The following AOAH variants were observed in gnomAD, a reference collection of about 807,000 sequenced individuals.
The protein encoded by AOAH is acyloxyacyl hydrolase.
AOAH carries 64 observed loss-of-function variants against 92.2 expected under a neutral mutation model. The ratio of observed to expected loss-of-function variants is 0.69; its 90% CI spans 0.57 to 0.86. The LOEUF (loss-of-function observed/expected upper bound fraction) is 0.86, where lower values mean the gene tolerates loss of function less well. AOAH is among the 40% of genes least tolerant of loss of function. The pLI is 0.00. For synonymous variants in AOAH, 263 were observed against 254.5 expected (o/e 1.03, Z -0.32); for missense variants, 656 against 694.6 (o/e 0.94, Z 0.62).
chr7:36,535,406 T>C (rs1784993056), intron 16 of AOAH, among the ~76,000 whole-genome samples: 1 of 152,170 alleles, frequency 6.6e-6, no homozygotes, highest in Non-Finnish European at 1.5e-5. Context: ...ATCAGGCACA[T>C]CTCCATGAAA....
intron 1 of AOAH, among the ~76,000 whole-genome samples, chr7:36,703,905 T>C (rs1024801785): frequency 6.6e-6 from 1 of 152,156 alleles, no homozygotes; most frequent in African/African-American, 2.4e-5. Context: ...ACAATGGTTG[T>C]ACTAATTTAC....
intron 1 of AOAH, among the ~76,000 whole-genome samples, chr7:36,713,361 TC>T (rs920140044): frequency 2.6e-5 from 4 of 151,940 alleles, no homozygotes; most frequent in Non-Finnish European, 5.9e-5. Context: ...AGACTTAGAC[TC>T]CCACACAATA....
At chr7:36,715,600 C>T (rs1466848678) in intron 1 of AOAH, among the ~76,000 whole-genome samples, 2 of 150,048 alleles carry the variant, frequency 1.3e-5, no homozygotes, top group African/African-American at 2.5e-5. Flanking sequence ...GTAACCAAAA[C>T]AGCATGGTAC....
intron 13 of AOAH, among the ~76,000 whole-genome samples, chr7:36,554,700 G>A (rs377697775): frequency 0.038 from 5,767 of 150,470 alleles, 227 homozygotes; most frequent in African/African-American, 0.084. Context: ...GGTCCTTCAC[G>A]TCCCTTGTAA....
chr7:36,656,340 C>T (rs1794892628), intron 4 of AOAH, among the ~76,000 whole-genome samples: 1 of 152,068 alleles, frequency 6.6e-6, no homozygotes, highest in Non-Finnish European at 1.5e-5. Context: ...ATGAACTAGC[C>T]GGTGGCGATA....
At chr7:36,706,285 A>C (rs1798403642) in intron 1 of AOAH, among the ~76,000 whole-genome samples, 1 of 152,188 alleles carries the variant, frequency 6.6e-6, no homozygotes, top group East Asian at 1.9e-4. Flanking sequence ...CCTCTTCATC[A>C]GCGCTCTTGG....
chr7:36,661,099 C>T (rs895249211), intron 3 of AOAH: 2 of 152,224 alleles, frequency 1.3e-5, no homozygotes, highest in Admixed American at 6.5e-5. Context: ...CTTTGGGTTT[C>T]TTCCCAGCTC....
At chr7:36,706,981 C>T (rs1377590070) in intron 1 of AOAH, among the ~76,000 whole-genome samples, 1 of 151,100 alleles carries the variant, frequency 6.6e-6, no homozygotes, top group Non-Finnish European at 1.5e-5. Flanking sequence ...GTTTCACTTT[C>T]TTATTATTGG....
chr7:36,633,264 G>A (rs1051691331), intron 5 of AOAH, among the ~76,000 whole-genome samples: 7 of 152,208 alleles, frequency 4.6e-5, no homozygotes, highest in African/African-American at 7.2e-5. Flanking sequence ...AAACCCTGGG[G>A]TGGGTCGTGG....
At chr7:36,665,077 A>C (rs531757170) in intron 3 of AOAH, among the ~76,000 whole-genome samples, 1 of 152,326 alleles carries the variant, frequency 6.6e-6, no homozygotes, top group Non-Finnish European at 1.5e-5. Flanking sequence ...ACATTTCAAC[A>C]TGAGATATGG....
intron 1 of AOAH, among the ~76,000 whole-genome samples, chr7:36,699,434 C>T (rs1384243170): frequency 6.6e-6 from 1 of 152,058 alleles, no homozygotes; most frequent in Non-Finnish European, 1.5e-5. Context: ...CAAGGATTCC[C>T]CTTTCTCCAC....
At chr7:36,585,616 A>G (rs1484637090) in intron 12 of AOAH, among the ~76,000 whole-genome samples, 2 of 152,250 alleles carry the variant, frequency 1.3e-5, no homozygotes, top group Admixed American at 1.3e-4. Context: ...TAACTATGCT[A>G]TGAAACACTA....
At chr7:36,629,102 C>T (rs1448859525) in intron 6 of AOAH, among the ~76,000 whole-genome samples, 2 of 152,312 alleles carry the variant, frequency 1.3e-5, no homozygotes, top group Admixed American at 6.5e-5. Flanking sequence ...CCACAGATGG[C>T]TTTGAAGAAT....
At chr7:36,674,091 G>A (rs1796100306) in intron 2 of AOAH, 82 bp from the exon 3 acceptor site, 1 of 781,054 alleles carries the variant, frequency 1.3e-6, no homozygotes, top group African/African-American at 1.8e-5. Context: ...TCTTTGCTAG[G>A]AACTGAAGCT....
chr7:36,579,562 A>G (rs368469371), intron 12 of AOAH, among the ~76,000 whole-genome samples: 67 of 152,000 alleles, frequency 4.4e-4, no homozygotes, highest in Middle Eastern at 3.4e-3. Context: ...CACTCTCACA[A>G]GGTCCCATAA....
rs1233320915 is a variant in AOAH at position 36,532,316 on chromosome 7, C to T, written c.1335G>A (p.Ala445=). The T allele has an allele frequency of 7.4e-6, 12 of 1,614,048 alleles. No individual in the cohort carries two copies. Among genetic ancestry groups the T allele is most frequent in the Middle Eastern group, 1.7e-4 (1 of 6,010 alleles). ...LGQLNKDMTY[A]QLYSFLNCLQ... is the part of the protein sequence containing the mutation. The stretch of plus-strand genomic sequence containing the variant: ...GGCAGTTCAGGAAGGAGTACAACTG[C>T]GCATAGGTCATGTCTTTATTTAGCT... The change falls in exon 17 of 21, where the codon GCG becomes GCA. Residue 445 remains alanine, a synonymous_variant. Transcript: ENST00000617537.
At chr7:36,534,063 C>T (rs1292520857) in intron 16 of AOAH, among the ~76,000 whole-genome samples, 11 of 152,144 alleles carry the variant, frequency 7.2e-5, no homozygotes, top group Admixed American at 6.5e-4. Context: ...GCACCTCATG[C>T]CTGACCTTGC....
chr7:36,672,083 G>A (rs1795973368), intron 3 of AOAH, among the ~76,000 whole-genome samples: 1 of 152,164 alleles, frequency 6.6e-6, no homozygotes, highest in African/African-American at 2.4e-5. Context: ...AATAATAGTG[G>A]CACTAGCTAA....
Position 36,533,118 on chromosome 7 carries a change from T to A in AOAH, c.1307-774A>T, listed in dbSNP as rs115548050. Among the ~76,000 whole-genome samples, 638 of 152,260 alleles carry A rather than the reference T, an allele frequency of 4.2e-3. 1 individual carries two copies. Among genetic ancestry groups the A allele is most frequent in the African/African-American group, 0.015 (605 of 41,536 alleles). ...ACATCAGCTATAGTCCCAGAATCTGTGGGGGTGATTTCTTCTCTCTTCCAA... is the reference window on the plus strand; with the variant it reads ...ACATCAGCTATAGTCCCAGAATCTGAGGGGGTGATTTCTTCTCTCTTCCAA... On this transcript the variant is annotated intron_variant, in intron 16 of 20. Transcript: ENST00000617537.
Sources: allele counts gnomAD v4.1 joint callset (sites outside exome capture counted in the v4.1 genomes callset), GRCh38; gene constraint gnomAD v4.1.1; transcripts MANE v1.5; gene names NCBI Gene and HGNC (gene_info 2026-07-23, HGNC 2026-07-21).